Variants in NIPAL3 observed in about 807,000 individuals in gnomAD.
The protein encoded by NIPAL3 is NIPA like domain containing 3.
In NIPAL3, 41 loss-of-function variants were observed where a neutral mutation model predicts 47.2. The observed-to-expected ratio is 0.87, with a 90% confidence interval of 0.68 to 1.13. NIPAL3 has a LOEUF of 1.13. NIPAL3 is among the 50% of genes most tolerant of loss of function. The probability of loss-of-function intolerance (pLI) is 0.00; values close to 1 mark genes in which losing one functional copy is unlikely to be tolerated. For synonymous variants in NIPAL3, 194 were observed against 209.6 expected (o/e 0.93, Z 0.64); for missense variants, 449 against 530.1 (o/e 0.85, Z 1.50).
At position 24,469,569 on chromosome 1, in the gene NIPAL3, G is replaced by A. The variant is rs989124807; in HGVS notation, c.*384G>A. The A allele has an allele frequency of 5.6e-6, 1 of 179,582 alleles. No individual in the cohort carries two copies. Among genetic ancestry groups the A allele is most frequent in the African/African-American group, 2.4e-5 (1 of 42,538 alleles). The allele number at this position is 179,582 out of a possible 1,614,324, so 11.1% of individuals were successfully genotyped here. A position where few individuals can be genotyped will look rare whatever the true frequency, so the allele number is the denominator to read the frequency against. ...TCTGCTGTTAATTCTCAAATCCAGCGAAAGGCTGGACATCTCTAAATCTCG... is the reference window on the plus strand; with the variant it reads ...TCTGCTGTTAATTCTCAAATCCAGCAAAAGGCTGGACATCTCTAAATCTCG... On this transcript the variant is annotated 3_prime_UTR_variant, in exon 12 of 12. Transcript: ENST00000374399.
At chr1:24,464,724 T>C (rs1388058072) in intron 11 of NIPAL3, 2 of 152,182 alleles carry the variant, frequency 1.3e-5, no homozygotes, top group South Asian at 2.1e-4. Flanking sequence ...AGTTAAGACA[T>C]TGGACCAACC....
upstream of NIPAL3, chr1:24,413,978 G>A (rs1285312787): frequency 1.3e-5 from 2 of 152,160 alleles, no homozygotes; most frequent in African/African-American, 4.8e-5. Flanking sequence ...AAAAGCCTCA[G>A]AATTTTGCTC....
intron 11 of NIPAL3, chr1:24,465,881 G>C: frequency 1.5e-6 from 2 of 1,369,500 alleles, no homozygotes; most frequent in Non-Finnish European, 1.9e-6. Flanking sequence ...ACACTTGTTT[G>C]ACCTGGTGGC....
chr1:24,420,337 A>T (rs1249465013), intron 2 of NIPAL3, among the ~76,000 whole-genome samples: 2 of 152,094 alleles, frequency 1.3e-5, no homozygotes. Flanking sequence ...CCCCGCCTGT[A>T]CAAAACAATT....
chr1:24,420,086 G>GA (rs11379916), intron 2 of NIPAL3: 16,330 of 84,438 alleles, frequency 0.19, 1,041 homozygotes, highest in African/African-American at 0.22. Flanking sequence ...GTCTCAAAAG[G>GA]AAAAAAAAAA....
chr1:24,434,437 A>T (rs1645010140), intron 2 of NIPAL3, among the ~76,000 whole-genome samples: 1 of 152,196 alleles, frequency 6.6e-6, no homozygotes, highest in African/African-American at 2.4e-5. Context: ...CCCAAAATAC[A>T]GGAAGCAAAA....
intron 10 of NIPAL3, among the ~76,000 whole-genome samples, chr1:24,463,357 G>A (rs1646561754): frequency 6.6e-6 from 1 of 152,206 alleles, no homozygotes; most frequent in Non-Finnish European, 1.5e-5. Flanking sequence ...CTCTGGGGAA[G>A]GGCTGGCATG....
rs964187539 is a variant in NIPAL3, at chr1:24,416,473, A to T, written c.-258+569A>T. ...TTCAGAAAGAGGCAAATTCGAATAC[A>T]GACGCTATGAGCCACGGCTGTCTCA... On this transcript the variant is annotated intron_variant, in intron 1 of 11. Transcript: ENST00000374399. The surrounding 1 kb of genome is among the most constrained non-coding windows in gnomAD (Gnocchi z 4.8). 7 of 294,894 alleles carry T rather than the reference A, an allele frequency of 2.4e-5. No homozygotes were observed. The highest frequency in any genetic ancestry group is 1.6e-4 in the African/African-American group (7 of 44,064). The allele number at this position is 294,894 out of a possible 1,614,324, so 18.3% of individuals were successfully genotyped here.
At chr1:24,439,631 G>A (rs1474940152) in intron 2 of NIPAL3, among the ~76,000 whole-genome samples, 2 of 151,786 alleles carry the variant, frequency 1.3e-5, no homozygotes, top group East Asian at 1.9e-4. Context: ...ATGAATATAT[G>A]TTTGGTAATC....
At chr1:24,414,381 A>C (rs911687337), upstream of NIPAL3, 2 of 149,970 alleles carry the variant, frequency 1.3e-5, 1 homozygote, top group African/African-American at 4.9e-5. Context: ...AAAAAAAAAA[A>C]TTGACATGGG....
chr1:24,441,228 T>C (rs1316648287), intron 3 of NIPAL3, among the ~76,000 whole-genome samples: 1 of 152,204 alleles, frequency 6.6e-6, no homozygotes, highest in African/African-American at 2.4e-5. Flanking sequence ...CACACACTTG[T>C]GCCTTGTTCA....
chr1:24,447,182 TGGGGCC>T (rs1053595952), intron 5 of NIPAL3, among the ~76,000 whole-genome samples: 4 of 152,156 alleles, frequency 2.6e-5, no homozygotes, highest in African/African-American at 4.8e-5. Flanking sequence ...CGCTCTGGGC[TGGGGCC>T]GGGGCCGGGG....
intron 2 of NIPAL3, among the ~76,000 whole-genome samples, chr1:24,428,877 C>G (rs1326287560): frequency 2.0e-5 from 3 of 152,162 alleles, no homozygotes; most frequent in African/African-American, 7.2e-5. Context: ...CCCTGCCACA[C>G]TCCCTGACTT....
chr1:24,427,460 G>GT (rs1215107115), intron 2 of NIPAL3, among the ~76,000 whole-genome samples: 1 of 152,228 alleles, frequency 6.6e-6, no homozygotes, highest in Non-Finnish European at 1.5e-5. Flanking sequence ...ATGTCTGTCT[G>GT]TAACTGGTTA....
chr1:24,440,323 T>C (rs1239232442), intron 3 of NIPAL3, 83 bp downstream of exon 3: 6 of 1,090,556 alleles, frequency 5.5e-6, no homozygotes, highest in Non-Finnish European at 6.4e-6. Context: ...AGCTGCCTCC[T>C]CTCTGCAGGG....
intron 9 of NIPAL3, among the ~76,000 whole-genome samples, chr1:24,460,175 G>A (rs2148851364): frequency 6.6e-6 from 1 of 152,308 alleles, no homozygotes; most frequent in East Asian, 1.9e-4. Flanking sequence ...TGTGGTTATG[G>A]AAGATATGAC....
At chr1:24,428,058 G>A (rs1262262334) in intron 2 of NIPAL3, among the ~76,000 whole-genome samples, 1 of 152,092 alleles carries the variant, frequency 6.6e-6, no homozygotes, top group African/African-American at 2.4e-5. Context: ...TGGGCAACAT[G>A]GTGAAACACC....
intron 2 of NIPAL3, among the ~76,000 whole-genome samples, chr1:24,425,895 C>A (rs1053954125): frequency 1.3e-5 from 2 of 152,170 alleles, no homozygotes; most frequent in Non-Finnish European, 2.9e-5. Context: ...ATCCATGAAG[C>A]CTTTGTCAGT....
Position 24,416,099 on chromosome 1 carries a change from T to C in NIPAL3, c.-258+195T>C. ...ATCGAGGCCAAGAGGAGCGGGGGCA[T>C]GGGCTACCTTACTAAAGGTGATGCC... On this transcript the variant is annotated intron_variant, in intron 1 of 11. Coordinates refer to ENST00000374399, the MANE Select transcript of NIPAL3 (RefSeq NM_020448.5). The surrounding 1 kb of genome is among the most constrained non-coding windows in gnomAD (Gnocchi z 4.8). 1 of 985,472 alleles carries C rather than the reference T, an allele frequency of 1.0e-6. No individual in the cohort carries two copies. The highest frequency in any genetic ancestry group is 1.2e-6 in the Non-Finnish European group (1 of 829,994). 61.0% of individuals were successfully genotyped at this position (985,472 alleles called of 1,614,324 possible). A position where few individuals can be genotyped will look rare whatever the true frequency, so the allele number is the denominator to read the frequency against.
Sources: gnomAD v4.1 joint callset for allele counts (sites outside exome capture counted in the v4.1 genomes callset) on GRCh38, gnomAD v4.1.1 for gene constraint, Gnocchi (gnomAD v3.1) non-coding constraint, MANE v1.5 for transcripts, NCBI Gene and HGNC (gene_info 2026-07-23, HGNC 2026-07-21) for gene names.